The following ZNF385D variants were observed in gnomAD, a reference collection of about 807,000 sequenced individuals.
ZNF385D encodes zinc finger protein 659.
ZNF385D carries 15 observed loss-of-function variants against 35.8 expected under a neutral mutation model. The ratio of observed to expected loss-of-function variants is 0.42; its 90% CI spans 0.28 to 0.64. The LOEUF is 0.64. Ranked by LOEUF, ZNF385D falls within the 30% of genes least tolerant of loss-of-function variation. ZNF385D has a pLI of 0.23. For missense variants in ZNF385D, 474 were observed against 494.6 expected (o/e 0.96, Z 0.39); for synonymous variants, 212 against 186.8 (o/e 1.13, Z -1.10).
At chr3:21,805,459 A>G (rs2072598894) in intron 3 of ZNF385D, among the ~76,000 whole-genome samples, 1 of 152,210 alleles carries the variant, frequency 6.6e-6, no homozygotes, top group African/African-American at 2.4e-5. Flanking sequence ...CAAATGCATA[A>G]GTGAATCATG....
chr3:22,086,476 G>A (rs1417488505), intron 3 of ZNF385D, among the ~76,000 whole-genome samples: 1 of 152,056 alleles, frequency 6.6e-6, no homozygotes, highest in Non-Finnish European at 1.5e-5. Flanking sequence ...AAAATACCTA[G>A]GAATCCAACT....
chr3:22,192,820 C>T (rs889444981), intron 2 of ZNF385D, among the ~76,000 whole-genome samples: 3 of 152,142 alleles, frequency 2.0e-5, no homozygotes, highest in Non-Finnish European at 4.4e-5. Flanking sequence ...ATTCTTGCCA[C>T]GACTTAGTGA....
At chr3:21,973,087 A>G (rs895200058) in intron 3 of ZNF385D, among the ~76,000 whole-genome samples, 7 of 151,994 alleles carry the variant, frequency 4.6e-5, no homozygotes, top group African/African-American at 1.7e-4. Flanking sequence ...TTACACTGAT[A>G]ATAAAACCAG....
chr3:22,132,643 T>A (rs572746838), intron 3 of ZNF385D, among the ~76,000 whole-genome samples: 1 of 152,100 alleles, frequency 6.6e-6, no homozygotes, highest in Admixed American at 6.6e-5. Context: ...CTAGATGAAC[T>A]GTAGAAACGT....
At chr3:22,067,554 T>G (rs1461338571) in intron 3 of ZNF385D, among the ~76,000 whole-genome samples, 3 of 151,890 alleles carry the variant, frequency 2.0e-5, no homozygotes, top group African/African-American at 7.3e-5. Flanking sequence ...CCATTTCCTC[T>G]CTTTCTAATG....
intron 2 of ZNF385D, among the ~76,000 whole-genome samples, chr3:22,321,567 G>A (rs951517725): frequency 6.6e-6 from 1 of 151,730 alleles, no homozygotes; most frequent in African/African-American, 2.4e-5. Flanking sequence ...GGGTTTCACT[G>A]TGTTAGCCAG....
chr3:21,570,464 C>T (rs1047435629), intron 2 of ZNF385D, among the ~76,000 whole-genome samples: 3 of 152,206 alleles, frequency 2.0e-5, no homozygotes, highest in Non-Finnish European at 4.4e-5. Context: ...GAGACCTCTT[C>T]TGTCTGTGTT....
intron 2 of ZNF385D, among the ~76,000 whole-genome samples, chr3:21,654,563 T>C (rs1264152243): frequency 6.6e-6 from 1 of 151,990 alleles, no homozygotes; most frequent in Non-Finnish European, 1.5e-5. Flanking sequence ...AACCATGAAA[T>C]CCTAAACATA....
At chr3:22,127,620 G>A (rs1175468186) in intron 3 of ZNF385D, among the ~76,000 whole-genome samples, 12 of 152,020 alleles carry the variant, frequency 7.9e-5, no homozygotes, top group Middle Eastern at 3.4e-3. Flanking sequence ...GATTACAGGC[G>A]TGAGCCACCG....
chr3:22,167,761 T>A (rs1320615633), intron 3 of ZNF385D, among the ~76,000 whole-genome samples: 1 of 152,234 alleles, frequency 6.6e-6, no homozygotes, highest in Admixed American at 6.5e-5. Flanking sequence ...TAGAATTTAA[T>A]AGTTCTCAAT....
intron 2 of ZNF385D, among the ~76,000 whole-genome samples, chr3:22,244,364 T>TAAAAAA (rs34497539): frequency 4.8e-5 from 3 of 62,554 alleles, no homozygotes; most frequent in African/African-American, 1.0e-4. Context: ...CAACCGAATG[T>TAAAAAA]AAAAAAAAAA....
At chr3:21,807,281 C>G (rs1475139046) in intron 3 of ZNF385D, among the ~76,000 whole-genome samples, 1 of 152,140 alleles carries the variant, frequency 6.6e-6, no homozygotes, top group East Asian at 1.9e-4. Context: ...GAGCATATCT[C>G]TATTTCAACT....
chr3:21,692,119 C>G (rs2067305180), intron 1 of ZNF385D, among the ~76,000 whole-genome samples: 1 of 152,036 alleles, frequency 6.6e-6, no homozygotes, highest in African/African-American at 2.4e-5. Context: ...ATTTGCTTAC[C>G]TGTTCATCTG....
intron 3 of ZNF385D, among the ~76,000 whole-genome samples, chr3:22,010,901 T>A (rs1000425322): frequency 6.6e-6 from 1 of 152,136 alleles, no homozygotes; most frequent in African/African-American, 2.4e-5. Context: ...CCCTTTTTCC[T>A]CCCATCCTCC....
intron 1 of ZNF385D, among the ~76,000 whole-genome samples, chr3:21,674,915 G>GATGGATGGATGGATGGATGC (rs894922614): frequency 1.3e-5 from 2 of 150,682 alleles, no homozygotes; most frequent in Admixed American, 1.3e-4. Context: ...TGGATGGATG[G>GATGGATGGATGGATGGATGC]ATGGATGGAT....
At chr3:21,787,697 C>T (rs1368885559) in intron 3 of ZNF385D, among the ~76,000 whole-genome samples, 1 of 151,952 alleles carries the variant, frequency 6.6e-6, no homozygotes, top group African/African-American at 2.4e-5. Context: ...TAAATATGAA[C>T]GGACAGGAAG....
intron 3 of ZNF385D, among the ~76,000 whole-genome samples, chr3:22,098,032 C>G (rs952821532): frequency 6.6e-6 from 1 of 152,020 alleles, no homozygotes; most frequent in Non-Finnish European, 1.5e-5. Context: ...TAGGAACTCA[C>G]AGGCTAGGGA....
chr3:22,151,176 G>A (rs145447060), intron 3 of ZNF385D, among the ~76,000 whole-genome samples: 27 of 152,206 alleles, frequency 1.8e-4, no homozygotes, highest in Non-Finnish European at 3.4e-4. Flanking sequence ...AGTTTCATGG[G>A]GCAGGGGCAC....
intron 3 of ZNF385D, among the ~76,000 whole-genome samples, chr3:22,008,360 CTT>C (rs67145956): frequency 7.6e-6 from 1 of 131,932 alleles, no homozygotes; most frequent in Admixed American, 7.4e-5. Flanking sequence ...CCATGATTTT[CTT>C]TTTTTTTTTT....
Sources: allele counts gnomAD v4.1 joint callset (sites outside exome capture counted in the v4.1 genomes callset), GRCh38; gene constraint gnomAD v4.1.1; transcripts MANE v1.5; gene names NCBI Gene and HGNC (gene_info 2026-07-23, HGNC 2026-07-21).